ETV6: variants seen among roughly 807,000 people sequenced by gnomAD.
ETV6 encodes transcription factor ETV6.
A neutral mutation model predicts 51.1 loss-of-function variants in ETV6; 16 were observed. The ratio of observed to expected loss-of-function variants is 0.31; its 90% CI spans 0.21 to 0.48. The LOEUF is 0.48. ETV6 is among the 20% of genes least tolerant of loss of function. The pLI is 0.99. For synonymous variants in ETV6, 240 were observed against 224.1 expected, an observed-to-expected ratio of 1.07 and a Z score of -0.64; for missense variants, 458 against 594.8, an observed-to-expected ratio of 0.77 and a Z score of 2.39.
At chr12:11,832,121 C>A (rs1377258775) in intron 2 of ETV6, among the ~76,000 whole-genome samples, 2 of 152,158 alleles carry the variant, frequency 1.3e-5, no homozygotes, top group African/African-American at 2.4e-5. Context: ...AGCTGAAAAC[C>A]ATGGAATACG....
intron 2 of ETV6, among the ~76,000 whole-genome samples, chr12:11,830,449 A>C (rs1318485511): frequency 6.6e-6 from 1 of 152,230 alleles, no homozygotes; most frequent in African/African-American, 2.4e-5. Flanking sequence ...TTCTTCTGAA[A>C]ATACAGTTGT....
chr12:11,772,791 G>A (rs573598668), intron 2 of ETV6, among the ~76,000 whole-genome samples: 15 of 152,068 alleles, frequency 9.9e-5, no homozygotes, highest in Non-Finnish European at 1.6e-4. Context: ...ATCAACAAAA[G>A]CCTAAAATTT....
Position 11,795,789 on chromosome 12 carries a change from G to A in ETV6, c.163+43210G>A, listed in dbSNP as rs572785930. On this transcript the variant is annotated intron_variant, in intron 2 of 7. Transcript: ENST00000396373. ...CTACTTCTGAGCAACTTGGAAGGTT[G>A]CCTAACCTCTCCAAAGACCTAGATA... 2.6e-5 allele frequency among the ~76,000 whole-genome samples: 4 copies of A among 152,294 alleles called. No homozygotes were observed. The East Asian group carries it at 7.7e-4, about 29-fold the overall frequency.
chr12:11,885,375 C>T (rs1293096008), intron 6 of ETV6, among the ~76,000 whole-genome samples: 1 of 152,198 alleles, frequency 6.6e-6, no homozygotes, highest in East Asian at 1.9e-4. Flanking sequence ...ATGTGTGAGT[C>T]ACTGAGAAAA....
Position 11,831,167 on chromosome 12 carries a change from A to C in ETV6, c.164-7973A>C, listed in dbSNP as rs150957457. Among the ~76,000 whole-genome samples, 540 of 152,166 alleles carry C rather than the reference A, an allele frequency of 3.5e-3. 3 individuals are homozygous for C. The highest frequency in any genetic ancestry group is 0.012 in the African/African-American group (514 of 41,520). Reference sequence around the variant, plus strand: ...GAGGCGATATTGGGGATATTCTCTGATTAGCTCAATTTTTAAATAGTTTGT... The same window carrying C: ...GAGGCGATATTGGGGATATTCTCTGCTTAGCTCAATTTTTAAATAGTTTGT... On this transcript the variant is annotated intron_variant, in intron 2 of 7. Coordinates refer to ENST00000396373, the MANE Select transcript of ETV6 (RefSeq NM_001987.5).
chr12:11,705,091 G>T (rs1865049399), intron 1 of ETV6, among the ~76,000 whole-genome samples: 1 of 152,204 alleles, frequency 6.6e-6, no homozygotes, highest in Non-Finnish European at 1.5e-5. Context: ...TGCACAGGAT[G>T]AGCGTGTCTA....
chr12:11,860,136 T>C (rs1376667960), intron 4 of ETV6, among the ~76,000 whole-genome samples: 1 of 152,104 alleles, frequency 6.6e-6, no homozygotes, highest in Non-Finnish European at 1.5e-5. Context: ...AGGTCACGCC[T>C]TGAAAGCTGG....
At chr12:11,872,685 G>A (rs550449097) in intron 5 of ETV6, among the ~76,000 whole-genome samples, 4 of 152,000 alleles carry the variant, frequency 2.6e-5, no homozygotes, top group African/African-American at 4.8e-5. Context: ...TAGTAAAGAC[G>A]GGGTTTCACC....
chr12:11,729,667 T>C (rs998557069), intron 1 of ETV6, among the ~76,000 whole-genome samples: 5 of 152,194 alleles, frequency 3.3e-5, no homozygotes, highest in Non-Finnish European at 5.9e-5. Context: ...GCCTTTGAAC[T>C]CTTGACTCAA....
chr12:11,716,389 C>T (rs574222543), intron 1 of ETV6, among the ~76,000 whole-genome samples: 28 of 137,408 alleles, frequency 2.0e-4, no homozygotes, highest in South Asian at 1.5e-3. Flanking sequence ...ATGTGAAGAT[C>T]AGGGCTGTGA....
intron 1 of ETV6, among the ~76,000 whole-genome samples, chr12:11,733,765 A>G (rs1266385960): frequency 6.6e-6 from 1 of 152,198 alleles, no homozygotes; most frequent in Non-Finnish European, 1.5e-5. Flanking sequence ...CTACCAATAT[A>G]CACACACCCA....
chr12:11,663,171 C>T (rs893097445), intron 1 of ETV6, among the ~76,000 whole-genome samples: 6 of 152,206 alleles, frequency 3.9e-5, no homozygotes, highest in Admixed American at 1.3e-4. Flanking sequence ...AATTGCAGTG[C>T]GTTGAACGAT....
At chr12:11,747,746 G>C (rs1179561077) in intron 1 of ETV6, among the ~76,000 whole-genome samples, 1 of 152,080 alleles carries the variant, frequency 6.6e-6, no homozygotes, top group Non-Finnish European at 1.5e-5. Context: ...TGCTTTCCTG[G>C]TGGCAGAAAC....
At chr12:11,653,398 G>A (rs1863942407) in intron 1 of ETV6, among the ~76,000 whole-genome samples, 1 of 152,162 alleles carries the variant, frequency 6.6e-6, no homozygotes, top group African/African-American at 2.4e-5. Flanking sequence ...GAGTCACACA[G>A]TGTCTCTAGT....
chr12:11,698,698 A>G lies in ETV6; in HGVS notation c.33+48538A>G, dbSNP rs535389339. Among the ~76,000 whole-genome samples the G allele has an allele frequency of 2.0e-5, 3 of 152,368 alleles. No individual in the cohort carries two copies. In the South Asian group the frequency reaches 6.2e-4, roughly 32 times the overall value. On this transcript the variant is annotated intron_variant, in intron 1 of 7. Transcript: ENST00000396373. The stretch of plus-strand genomic sequence containing the variant: ...CCTAATACCTTTGTAAGATAGAAGT[A>G]GGGAGAACCAAGATAGATCCAAAAA...
At chr12:11,867,691 C>A (rs1311856432) in intron 4 of ETV6, among the ~76,000 whole-genome samples, 3 of 152,196 alleles carry the variant, frequency 2.0e-5, no homozygotes, top group African/African-American at 4.8e-5. Flanking sequence ...ATGTGTTCTT[C>A]ATATATGTAT....
chr12:11,870,696 G>A (rs1946868841), intron 5 of ETV6, among the ~76,000 whole-genome samples: 1 of 152,164 alleles, frequency 6.6e-6, no homozygotes, highest in Admixed American at 6.5e-5. Flanking sequence ...GATATTTGTT[G>A]AGCACCTGCT....
chr12:11,889,855 C>T lies in ETV6; in HGVS notation c.1254-1086C>T, dbSNP rs529999339. 1.7e-3 allele frequency among the ~76,000 whole-genome samples: 261 copies of T among 152,132 alleles called. 1 individual carries two copies. The highest frequency in any genetic ancestry group is 5.5e-3 in the African/African-American group (230 of 41,500). ...GAAAATGTAAGCTCTAAGATAGTGG[C>T]GCAGGGCAGAGTATATGGGGAGAGA... On this transcript the variant is annotated intron_variant, in intron 7 of 7. Coordinates refer to ENST00000396373, the MANE Select transcript of ETV6 (RefSeq NM_001987.5).
chr12:11,779,772 A>C (rs1945384128), intron 2 of ETV6, among the ~76,000 whole-genome samples: 1 of 152,184 alleles, frequency 6.6e-6, no homozygotes. Context: ...TTTTATTAGA[A>C]AATTGGTTGG....
Sources: gnomAD v4.1 joint callset for allele counts (sites outside exome capture counted in the v4.1 genomes callset) on GRCh38, gnomAD v4.1.1 for gene constraint, MANE v1.5 for transcripts, NCBI Gene and HGNC (gene_info 2026-07-23, HGNC 2026-07-21) for gene names.